The following DPH6 variants were observed in gnomAD, a reference collection of about 807,000 sequenced individuals.
DPH6 encodes the protein diphthine--ammonia ligase.
In DPH6, 33 loss-of-function variants were observed where a neutral mutation model predicts 38.2. The ratio of observed to expected loss-of-function variants is 0.86; its 90% CI spans 0.65 to 1.15. The LOEUF (loss-of-function observed/expected upper bound fraction) is 1.15. DPH6 is among the 50% of genes most tolerant of loss of function. The pLI is 0.00. For missense variants in DPH6, 325 were observed against 320.0 expected (o/e 1.02, Z -0.12); for synonymous variants, 108 against 103.0 (o/e 1.05, Z -0.30).
chr15:35,394,496 G>A (rs1388407692), intron 6 of DPH6, among the ~76,000 whole-genome samples: 4 of 152,144 alleles, frequency 2.6e-5, no homozygotes, highest in Non-Finnish European at 5.9e-5. Flanking sequence ...ACAGTGTACA[G>A]CACTTAGTAA....
intron 1 of DPH6, 112 bp from the exon 2 acceptor site, chr15:35,542,619 T>C: frequency 1.9e-6 from 2 of 1,039,598 alleles, no homozygotes; most frequent in Non-Finnish European, 2.8e-6. Context: ...TCAGAATATA[T>C]TACAATGCAA....
At chr15:35,545,792 G>C (rs4398069) in intron 1 of DPH6, among the ~76,000 whole-genome samples, 3,268 of 152,090 alleles carry the variant, frequency 0.021, 109 homozygotes, top group African/African-American at 0.07. Context: ...ACGCCGGGTC[G>C]CACAGAAGTA....
intron 3 of DPH6, among the ~76,000 whole-genome samples, chr15:35,232,335 A>G (rs1203785088): frequency 6.6e-6 from 1 of 152,128 alleles, no homozygotes; most frequent in Non-Finnish European, 1.5e-5. Context: ...TAATCTCAAC[A>G]CTTTGGGAGG....
chr15:35,420,663 G>C (rs2053493861), intron 5 of DPH6, among the ~76,000 whole-genome samples: 1 of 152,070 alleles, frequency 6.6e-6, no homozygotes, highest in African/African-American at 2.4e-5. Context: ...CTACAGGCAT[G>C]TGTCACCATG....
chr15:35,480,083 T>C (rs997898742), intron 3 of DPH6, among the ~76,000 whole-genome samples: 5 of 151,966 alleles, frequency 3.3e-5, no homozygotes, highest in Non-Finnish European at 5.9e-5. Flanking sequence ...TATTTTGGCA[T>C]GCATTAACTG....
At chr15:35,459,326 T>C (rs1023801536) in intron 3 of DPH6, among the ~76,000 whole-genome samples, 9 of 152,146 alleles carry the variant, frequency 5.9e-5, no homozygotes, top group African/African-American at 2.2e-4. Flanking sequence ...CAAACTCCTT[T>C]CTGGTGTCTT....
intron 3 of DPH6, among the ~76,000 whole-genome samples, chr15:35,285,922 T>C (rs2051940971): frequency 1.4e-5 from 2 of 140,396 alleles, no homozygotes; most frequent in African/African-American, 5.2e-5. Flanking sequence ...TAAAGAATCC[T>C]AAAGAAATAA....
At chr15:35,206,490 G>C in the DPH6 span, among the ~76,000 whole-genome samples, 2 of 152,158 alleles carry the variant, frequency 1.3e-5, no homozygotes, top group African/African-American at 2.4e-5. Context: ...TGATAATGCA[G>C]GGGAAATGCT....
intron 1 of DPH6, among the ~76,000 whole-genome samples, chr15:35,545,634 G>C (rs1021329119): frequency 8.5e-5 from 13 of 152,204 alleles, no homozygotes; most frequent in African/African-American, 2.9e-4. Flanking sequence ...GAGGAAGCCA[G>C]GCTGCGGCGG....
intron 3 of DPH6, among the ~76,000 whole-genome samples, chr15:35,458,357 C>T (rs1219379140): frequency 6.6e-6 from 1 of 152,136 alleles, no homozygotes; most frequent in Admixed American, 6.5e-5. Flanking sequence ...ACACGCAACT[C>T]TAGGTAGAGT....
At chr15:35,171,525 C>T in the DPH6 span, among the ~76,000 whole-genome samples, 23 of 152,164 alleles carry the variant, frequency 1.5e-4, no homozygotes, top group East Asian at 4.1e-3. Context: ...CCGTAATTGC[C>T]AATATAAACT....
At chr15:35,307,451 A>T (rs182138343) in intron 3 of DPH6, among the ~76,000 whole-genome samples, 6 of 152,320 alleles carry the variant, frequency 3.9e-5, no homozygotes, top group Admixed American at 2.0e-4. Context: ...GAAGAGACTA[A>T]ATGTAATACC....
intron 5 of DPH6, among the ~76,000 whole-genome samples, chr15:35,440,163 A>C (rs1168394240): frequency 6.6e-6 from 1 of 152,210 alleles, no homozygotes; most frequent in Admixed American, 6.5e-5. Flanking sequence ...CAATATTTTA[A>C]TTCTGAGCAA....
intron 3 of DPH6, among the ~76,000 whole-genome samples, chr15:35,537,892 C>T (rs546163387): frequency 3.3e-5 from 5 of 152,072 alleles, no homozygotes; most frequent in African/African-American, 9.7e-5. Context: ...AAGCCTTTAA[C>T]GTATGCGTCC....
In DPH6 at chr15:35,219,126, CTTCCGT is replaced by C. The variant is rs2051427323; in HGVS notation, n.1651_1656del. ...TTTAAGTCACAAAGTGTAGTCTTCT[CTTCCGT>C]AATGTGGTTGATATAAAGCAGCATC... On this transcript the variant is annotated non_coding_transcript_exon_variant, in exon 4 of 4. Coordinates refer to the DPH6 transcript ENST00000560386. 9.9e-5 allele frequency: 15 copies of C among 152,276 alleles called. 1 individual carries two copies. In the South Asian group the frequency reaches 2.7e-3, roughly 27 times the overall value. 9.4% of individuals were successfully genotyped at this position (152,276 alleles called of 1,614,324 possible).
At chr15:35,263,813 G>A (rs539203316) in intron 3 of DPH6, among the ~76,000 whole-genome samples, 44 of 152,018 alleles carry the variant, frequency 2.9e-4, no homozygotes, top group South Asian at 1.2e-3. Flanking sequence ...CCGGGTTCAT[G>A]CCATTCTCCT....
At chr15:35,538,687 A>C (rs1384997608) in intron 2 of DPH6, among the ~76,000 whole-genome samples, 1 of 152,186 alleles carries the variant, frequency 6.6e-6, no homozygotes, top group Non-Finnish European at 1.5e-5. Flanking sequence ...TCTACTACTA[A>C]TTACAAATAC....
At chr15:35,263,606 A>G (rs974051808) in intron 3 of DPH6, among the ~76,000 whole-genome samples, 6 of 151,618 alleles carry the variant, frequency 4.0e-5, no homozygotes, top group African/African-American at 1.5e-4. Flanking sequence ...CAGTCTCACT[A>G]TATTGCCAAA....
chr15:35,436,480 A>AAC (rs1187191079), intron 5 of DPH6, among the ~76,000 whole-genome samples: 1,451 of 29,222 alleles, frequency 0.05, 60 homozygotes, highest in African/African-American at 0.14. Context: ...AAAACAAACA[A>AAC]AAACAAAACA....
Sources: gnomAD v4.1 joint callset for allele counts (sites outside exome capture counted in the v4.1 genomes callset) on GRCh38, gnomAD v4.1.1 for gene constraint, MANE v1.5 for transcripts, NCBI Gene and HGNC (gene_info 2026-07-23, HGNC 2026-07-21) for gene names.